PPFIBP2: variants seen among roughly 807,000 people sequenced by gnomAD.
The protein encoded by PPFIBP2 is liprin-beta-2.
PPFIBP2 carries 118 observed loss-of-function variants against 118.3 expected under a neutral mutation model. The ratio of observed to expected loss-of-function variants is 1.00; its 90% CI spans 0.86 to 1.16. The LOEUF (loss-of-function observed/expected upper bound fraction) is 1.16, where lower values mean the gene tolerates loss of function less well. PPFIBP2 is among the 50% of genes most tolerant of loss of function. The pLI, the probability that PPFIBP2 is intolerant of heterozygous loss-of-function variation, is 0.00. For synonymous variants in PPFIBP2, 414 were observed against 397.4 expected (o/e 1.04, Z -0.50); for missense variants, 1,195 against 1,073.1 (o/e 1.11, Z -1.59).
In PPFIBP2 at chr11:7,616,169, C is replaced by T. The variant is rs917916620; in HGVS notation, c.619-4766C>T. Reference sequence around the variant, plus strand: ...ACACGCACACACAAACACCCACACACAGTTATGTTCTTAAAAAGAAAAAAT... The same window carrying T: ...ACACGCACACACAAACACCCACACATAGTTATGTTCTTAAAAAGAAAAAAT... On this transcript the variant is annotated intron_variant, in intron 6 of 23. Coordinates refer to ENST00000299492, the MANE Select transcript of PPFIBP2 (RefSeq NM_003621.5). This position sits in a 1 kb window ranked among gnomAD's most constrained non-coding sequence, Gnocchi z 5.2. Among the ~76,000 whole-genome samples, 2 of 152,106 alleles carry T rather than the reference C, an allele frequency of 1.3e-5. No homozygotes were observed. The highest frequency in any genetic ancestry group is 2.9e-5 in the Non-Finnish European group (2 of 68,030).
At chr11:7,591,684 G>A (rs538196911) in intron 3 of PPFIBP2, among the ~76,000 whole-genome samples, 185 of 152,326 alleles carry the variant, frequency 1.2e-3, no homozygotes, top group Middle Eastern at 3.4e-3. Context: ...GGCTGGAGCA[G>A]AAGACAGTGG....
chr11:7,564,877 C>T (rs1333912816), intron 2 of PPFIBP2, among the ~76,000 whole-genome samples: 2 of 152,324 alleles, frequency 1.3e-5, no homozygotes, highest in East Asian at 3.9e-4. Context: ...TACAGAGTCA[C>T]TTCCACTGCT....
chr11:7,655,512 C>G (rs1293906403), downstream of PPFIBP2: 3 of 1,288,880 alleles, frequency 2.3e-6, no homozygotes, highest in Non-Finnish European at 3.0e-6. Context: ...GGACTCTGAC[C>G]CTCTCCCCAC....
chr11:7,659,173 C>A (rs1236237672), downstream of PPFIBP2, among the ~76,000 whole-genome samples: 1 of 149,942 alleles, frequency 6.7e-6, no homozygotes, highest in Non-Finnish European at 1.5e-5. Context: ...TCAATTTTGT[C>A]TTTTGTTGCC....
intron 6 of PPFIBP2, among the ~76,000 whole-genome samples, chr11:7,614,739 A>G (rs1201759868): frequency 6.6e-6 from 1 of 152,256 alleles, no homozygotes; most frequent in African/African-American, 2.4e-5. Context: ...GAAAAAAGAA[A>G]GAACTAAGTA....
chr11:7,572,273 T>C (rs893665148), intron 3 of PPFIBP2, among the ~76,000 whole-genome samples: 5 of 152,176 alleles, frequency 3.3e-5, no homozygotes, highest in Non-Finnish European at 7.3e-5. Flanking sequence ...AGAAGCTTCC[T>C]GTCCCCTGGG....
At chr11:7,534,475 G>A (rs535279533) in intron 1 of PPFIBP2, among the ~76,000 whole-genome samples, 4 of 152,234 alleles carry the variant, frequency 2.6e-5, no homozygotes, top group South Asian at 2.1e-4. Flanking sequence ...ATAATTTCAC[G>A]TCCATTTGTT....
At chr11:7,610,559 G>GCA in intron 6 of PPFIBP2, 137 bp downstream of exon 6, 1 of 1,216,404 alleles carries the variant, frequency 8.2e-7, no homozygotes, top group Non-Finnish European at 1.1e-6. Context: ...GCAGTGATCT[G>GCA]TTAATACCAA....
chr11:7,655,994 T>C (rs1051414533), downstream of PPFIBP2, among the ~76,000 whole-genome samples: 1 of 152,112 alleles, frequency 6.6e-6, no homozygotes, highest in Non-Finnish European at 1.5e-5. Context: ...AACCATATCA[T>C]GGGGAAGCAG....
Position 7,653,086 on chromosome 11 carries a change from G to A in PPFIBP2, c.2499G>A (p.Thr833=), listed in dbSNP as rs773761372. 99 of 1,613,726 alleles carry A rather than the reference G, an allele frequency of 6.1e-5. No homozygotes were observed. The highest frequency in any genetic ancestry group is 2.2e-4 in the Admixed American group (13 of 59,992). ...NIRKKKFDES[T]DYICPMEPSD... is the part of the protein sequence containing the mutation. The stretch of plus-strand genomic sequence containing the variant: ...GAAAAAAGAAGTTCGATGAATCGAC[G>A]GACTACATTTGCCCAATGGAGCCCA... Residue 833 remains threonine, a synonymous_variant, in exon 24 of 24, where the codon ACG becomes ACA. Transcript: ENST00000299492.
chr11:7,563,364 T>A (rs892005665), intron 2 of PPFIBP2, among the ~76,000 whole-genome samples: 2 of 152,138 alleles, frequency 1.3e-5, no homozygotes, highest in Non-Finnish European at 2.9e-5. Context: ...TTAATTGGAT[T>A]TGTAGGAGCC....
intron 2 of PPFIBP2, among the ~76,000 whole-genome samples, chr11:7,556,110 C>T (rs181138645): frequency 6.6e-6 from 1 of 152,220 alleles, no homozygotes; most frequent in Admixed American, 6.5e-5. Flanking sequence ...CATATAAAAG[C>T]ATTTGGCCTG....
At chr11:7,661,500 G>A (rs1854889486), downstream of PPFIBP2, among the ~76,000 whole-genome samples, 2 of 149,288 alleles carry the variant, frequency 1.3e-5, no homozygotes, top group African/African-American at 4.9e-5. Flanking sequence ...TGATTGCACT[G>A]TGGTCTGAGA....
chr11:7,564,690 G>T (rs1317255842), intron 2 of PPFIBP2, among the ~76,000 whole-genome samples: 1 of 152,216 alleles, frequency 6.6e-6, no homozygotes, highest in Admixed American at 6.5e-5. Flanking sequence ...TGGCTCATGG[G>T]GGCTTGGAAG....
downstream of PPFIBP2, among the ~76,000 whole-genome samples, chr11:7,659,198 T>TA (rs1458033162): frequency 1.3e-5 from 2 of 149,522 alleles, no homozygotes; most frequent in Non-Finnish European, 3.0e-5. Context: ...CTTTTGGTGT[T>TA]TTAGACATGA....
chr11:7,635,004 C>T (rs554989450), intron 13 of PPFIBP2, among the ~76,000 whole-genome samples: 2 of 152,126 alleles, frequency 1.3e-5, no homozygotes, highest in East Asian at 1.9e-4. Context: ...GATGTGGGAT[C>T]GTCAGGATGT....
At position 7,621,152 on chromosome 11, in the gene PPFIBP2, C is replaced by T; in HGVS notation, c.711+125C>T. On this transcript the variant is annotated intron_variant, in intron 7 of 23. Transcript: ENST00000299492. ...GCAAATCAACCCTCCAGTGTGGACA[C>T]ACAGCAGTGCCCAGATGGTGCAGTA... 4.4e-6 allele frequency: 3 copies of T among 689,572 alleles called. 1 individual carries two copies. The South Asian group carries it at 5.2e-5, about 12-fold the overall frequency. 42.7% of individuals were successfully genotyped at this position (689,572 alleles called of 1,614,324 possible). A position where few individuals can be genotyped will look rare whatever the true frequency, so the allele number is the denominator to read the frequency against.
chr11:7,608,838 A>G (rs1847723865), intron 5 of PPFIBP2, among the ~76,000 whole-genome samples: 1 of 152,236 alleles, frequency 6.6e-6, no homozygotes, highest in African/African-American at 2.4e-5. Flanking sequence ...CAGAGGAGGC[A>G]CTCAACAAAT....
intron 10 of PPFIBP2, 23 bp downstream of exon 10, chr11:7,629,557 C>A: frequency 3.1e-6 from 5 of 1,608,840 alleles, no homozygotes; most frequent in Non-Finnish European, 4.3e-6. Flanking sequence ...GCGATCCTAC[C>A]GTTGTCTCTG....
Sources: gnomAD v4.1 joint callset for allele counts (sites outside exome capture counted in the v4.1 genomes callset) on GRCh38, gnomAD v4.1.1 for gene constraint, Gnocchi (gnomAD v3.1) non-coding constraint, MANE v1.5 for transcripts, NCBI Gene and HGNC (gene_info 2026-07-23, HGNC 2026-07-21) for gene names.